The following PRKD3 variants were observed in gnomAD, a reference collection of about 807,000 sequenced individuals.
PRKD3 encodes the protein serine/threonine-protein kinase D3.
In PRKD3, 47 loss-of-function variants were observed where a neutral mutation model predicts 99.2. The ratio of observed to expected loss-of-function variants is 0.47; its 90% CI spans 0.38 to 0.60. The LOEUF (loss-of-function observed/expected upper bound fraction) is 0.60. Ranked by LOEUF, PRKD3 falls within the 20% of genes least tolerant of loss-of-function variation. PRKD3 has a pLI of 0.00. For missense variants in PRKD3, 1,019 were observed against 1,088.4 expected, an observed-to-expected ratio of 0.94 and a Z score of 0.90; for synonymous variants, 392 against 355.4, an observed-to-expected ratio of 1.10 and a Z score of -1.16.
intron 2 of PRKD3, among the ~76,000 whole-genome samples, chr2:37,313,441 G>C (rs1671531726): frequency 6.6e-6 from 1 of 151,858 alleles, no homozygotes; most frequent in South Asian, 2.1e-4. Flanking sequence ...GAGAACAGAA[G>C]GGACAAATAG....
At chr2:37,272,920 C>T (rs1669361605) in intron 11 of PRKD3, among the ~76,000 whole-genome samples, 1 of 147,574 alleles carries the variant, frequency 6.8e-6, no homozygotes, top group African/African-American at 2.5e-5. Context: ...TTTGAGGTTG[C>T]AGCAAGTTAT....
At chr2:37,312,554 T>G (rs1379170753) in intron 2 of PRKD3, among the ~76,000 whole-genome samples, 1 of 152,186 alleles carries the variant, frequency 6.6e-6, no homozygotes, top group Non-Finnish European at 1.5e-5. Context: ...GTGCCATATT[T>G]TCTGCATTTT....
At chr2:37,303,158 G>A (rs966658303) in intron 2 of PRKD3, among the ~76,000 whole-genome samples, 4 of 152,032 alleles carry the variant, frequency 2.6e-5, no homozygotes, top group South Asian at 2.1e-4. Flanking sequence ...CCTGACTATC[G>A]GGAAGAGCCG....
In PRKD3 at chr2:37,260,055, C is replaced by T. The variant is rs530403353; in HGVS notation, c.2046+168G>A. On this transcript the variant is annotated intron_variant, in intron 15 of 18. Coordinates refer to ENST00000234179, the MANE Select transcript of PRKD3 (RefSeq NM_005813.6). ...TGGCACACATCTGCAATCCTAGATA[C>T]TTGGGAGGCTGAGGCATGAGAATCA... Among the ~76,000 whole-genome samples, 4 of 152,072 alleles carry T rather than the reference C, an allele frequency of 2.6e-5. No individual in the cohort carries two copies. In the East Asian group the frequency reaches 5.8e-4, roughly 22 times the overall value.
intron 6 of PRKD3, 70 bp from the exon 7 acceptor site, chr2:37,282,689 T>C: frequency 1.9e-6 from 2 of 1,030,880 alleles, no homozygotes; most frequent in Admixed American, 3.8e-5. Context: ...TTAGACTTTC[T>C]TTAAATCACT....
At chr2:37,323,910 AGTCGGCAG>A (rs1671990264) in intron 1 of PRKD3, among the ~76,000 whole-genome samples, 1 of 152,234 alleles carries the variant, frequency 6.6e-6, no homozygotes, top group Non-Finnish European at 1.5e-5. Flanking sequence ...TGTGTGGAAA[AGTCGGCAG>A]GTCGCGCGCA....
intron 2 of PRKD3, among the ~76,000 whole-genome samples, chr2:37,306,865 G>C (rs960530144): frequency 2.0e-4 from 31 of 152,270 alleles, no homozygotes; most frequent in African/African-American, 6.7e-4. Context: ...AAGACCTCAA[G>C]CTGCAATTCA....
chr2:37,265,954 A>G (rs1252618149), intron 14 of PRKD3, among the ~76,000 whole-genome samples: 1 of 152,234 alleles, frequency 6.6e-6, no homozygotes, highest in Admixed American at 6.5e-5. Flanking sequence ...ATCCATAGGA[A>G]TATATCCTTA....
chr2:37,256,612 A>G lies in PRKD3; in HGVS notation c.2413+50T>C, dbSNP rs1439161592. ...TGGGATGAGAAAGATGTTTAGGCTT[A>G]AAACACATAGCCAAAATTTTTTTTT... On this transcript the variant is annotated intron_variant, in intron 17 of 18. Coordinates refer to ENST00000234179, the MANE Select transcript of PRKD3 (RefSeq NM_005813.6). 7 of 1,462,996 alleles carry G rather than the reference A, an allele frequency of 4.8e-6. No homozygotes were observed. In the African/African-American group the frequency reaches 7.2e-5, roughly 15 times the overall value. The allele number at this position is 1,462,996 out of a possible 1,614,324, so 90.6% of individuals were successfully genotyped here. A position where few individuals can be genotyped will look rare whatever the true frequency, so the allele number is the denominator to read the frequency against.
intron 14 of PRKD3, among the ~76,000 whole-genome samples, chr2:37,266,292 C>G (rs1668833395): frequency 6.6e-6 from 1 of 152,192 alleles, no homozygotes; most frequent in Non-Finnish European, 1.5e-5. Context: ...TCTTGAATTT[C>G]ACCCAAAGCA....
chr2:37,269,592 T>C (rs751596942), intron 13 of PRKD3, 23 bp downstream of exon 13: 8 of 1,585,258 alleles, frequency 5.0e-6, no homozygotes, highest in Non-Finnish European at 4.3e-6. Context: ...GTGTACAATA[T>C]GCAAACGGCT....
intron 4 of PRKD3, among the ~76,000 whole-genome samples, chr2:37,289,820 G>A (rs1234633602): frequency 6.6e-6 from 1 of 152,112 alleles, no homozygotes; most frequent in Admixed American, 6.5e-5. Flanking sequence ...AGAAACTACG[G>A]GGATGAGGCC....
rs541281706 is a variant in PRKD3 at position 37,258,766 on chromosome 2, C to CT, written c.2145+816dup. 2.1e-3 allele frequency among the ~76,000 whole-genome samples: 319 copies of CT among 152,230 alleles called. 1 individual carries two copies. In the Middle Eastern group the frequency reaches 0.071, roughly 34 times the overall value. Reference sequence around the variant, plus strand: ...AAAAGCTGAACGATTTTTAATATATCTTTTTATTTGAAAAGACAATTTGAG... The same window carrying CT: ...AAAAGCTGAACGATTTTTAATATATCTTTTTTATTTGAAAAGACAATTTGAG... On this transcript the variant is annotated intron_variant, in intron 16 of 18. Transcript: ENST00000234179.
At chr2:37,279,030 T>C (rs1028886666) in intron 8 of PRKD3, 3 of 152,008 alleles carry the variant, frequency 2.0e-5, no homozygotes, top group East Asian at 1.9e-4. Flanking sequence ...ATGTTAATGA[T>C]AGTAATAACT....
rs762815391 is a variant in PRKD3, at chr2:37,290,894, A to G, written c.533T>C (p.Leu178Ser). Residue 178 changes from leucine to serine, a missense_variant, in exon 4 of 19, where the codon TTG becomes TCG. By Grantham distance (145) the Leu-to-Ser change is moderately radical. This residue lies in a region of PRKD3 where 710 missense variants were observed against 692.7 expected (regional missense o/e 1.02). Transcript: ENST00000234179. ...CDYCGEMLWG[L>S]VRQGLKCEGC... is the part of the protein sequence containing the mutation. ...TTCACATTTCAGTCCTTGACGTACC[A>G]ATCCCCAGAGCATCTCACCACAGTA... 6.2e-7 allele frequency: 1 copy of G among 1,606,864 alleles called. No homozygotes were observed. Among genetic ancestry groups the G allele is most frequent in the East Asian group, 2.2e-5 (1 of 44,818 alleles).
chr2:37,304,975 C>G (rs1264539592), intron 2 of PRKD3, among the ~76,000 whole-genome samples: 1 of 151,914 alleles, frequency 6.6e-6, no homozygotes, highest in East Asian at 1.9e-4. Flanking sequence ...ATTTCTTCTT[C>G]CAGTTTGAGC....
chr2:37,322,179 A>AATT lies in PRKD3; in HGVS notation c.-656+2501_-656+2502insAAT, dbSNP rs750867132. On this transcript the variant is annotated intron_variant, in intron 1 of 18. Coordinates refer to ENST00000234179, the MANE Select transcript of PRKD3 (RefSeq NM_005813.6). Reference sequence around the variant, plus strand: ...CAATGCAATTCTGACCAGCGTCCTAAAGTCCATGTCCATGTTTTGACATAG... The same window carrying AATT: ...CAATGCAATTCTGACCAGCGTCCTAAATTAGTCCATGTCCATGTTTTGACATAG... Among the ~76,000 whole-genome samples the AATT allele has an allele frequency of 2.0e-5, 3 of 152,282 alleles. No homozygotes were observed. In the East Asian group the frequency reaches 5.8e-4, roughly 29 times the overall value.
intron 17 of PRKD3, among the ~76,000 whole-genome samples, chr2:37,255,382 A>G (rs2300892): frequency 0.13 from 19,147 of 152,202 alleles, 1,419 homozygotes; most frequent in South Asian, 0.26. Context: ...CACTGGTTCT[A>G]TTAACTTCTA....
At chr2:37,314,108 T>C (rs1415903538) in intron 2 of PRKD3, among the ~76,000 whole-genome samples, 4 of 152,162 alleles carry the variant, frequency 2.6e-5, no homozygotes, top group African/African-American at 7.2e-5. Flanking sequence ...TAGTCCTTTC[T>C]CGAGAAAAGA....
Sources: gnomAD v4.1 joint callset for allele counts (sites outside exome capture counted in the v4.1 genomes callset) on GRCh38, gnomAD v4.1.1 for gene constraint, gnomAD v4.1.1 regional missense constraint, MANE v1.5 for transcripts, NCBI Gene and HGNC (gene_info 2026-07-23, HGNC 2026-07-21) for gene names.